The following JADE2 variants were observed in gnomAD, a reference collection of about 807,000 sequenced individuals.
JADE2 encodes jade family PHD finger 2.
JADE2 carries 13 observed loss-of-function variants against 85.7 expected under a neutral mutation model. The ratio of observed to expected loss-of-function variants is 0.15; its 90% CI spans 0.10 to 0.24. The LOEUF (loss-of-function observed/expected upper bound fraction) is 0.24. JADE2 is among the 10% of genes least tolerant of loss of function. The pLI is 1.00. For missense variants in JADE2, 846 were observed against 1,115.9 expected (o/e 0.76, Z 3.45); for synonymous variants, 440 against 456.1 (o/e 0.96, Z 0.45).
rs72798693 is a variant in JADE2 at position 134,579,787 on chromosome 5, A to G, written c.*470A>G. The G allele has an allele frequency of 0.12, 19,828 of 161,236 alleles. 1,363 individuals are homozygous for G. Among genetic ancestry groups the G allele is most frequent in the East Asian group, 0.2 (1,105 of 5,456 alleles). The allele number at this position is 161,236 out of a possible 1,614,324, so 10.0% of individuals were successfully genotyped here. A position where few individuals can be genotyped will look rare whatever the true frequency, so the allele number is the denominator to read the frequency against. The stretch of plus-strand genomic sequence containing the variant: ...ACACTCCACCGATCCCCAAGGAAGT[A>G]TAATAAACGATACCCAGCCAGAGTC... On this transcript the variant is annotated 3_prime_UTR_variant, in exon 12 of 12. Coordinates refer to ENST00000681547, the MANE Select transcript of JADE2 (RefSeq NM_001388185.1). The surrounding 1 kb of genome is among the most constrained non-coding windows in gnomAD (Gnocchi z 4.6).
intron 3 of JADE2, among the ~76,000 whole-genome samples, chr5:134,539,366 T>C (rs1030508504): frequency 1.4e-5 from 2 of 147,760 alleles, no homozygotes; most frequent in South Asian, 4.3e-4. Flanking sequence ...CCCGGCCTAA[T>C]TTTTGTATTT....
intron 11 of JADE2, chr5:134,577,161 A>C: frequency 2.6e-6 from 1 of 386,232 alleles, no homozygotes; most frequent in Non-Finnish European, 4.6e-6. Context: ...CTGTCCAGTC[A>C]TTCCCCTGGC....
intron 9 of JADE2, among the ~76,000 whole-genome samples, chr5:134,569,196 C>T (rs193041852): frequency 5.5e-4 from 84 of 152,256 alleles, no homozygotes; most frequent in Non-Finnish European, 8.1e-4. Flanking sequence ...TGTCCTGGCC[C>T]CTCAGCATTT....
upstream of JADE2, among the ~76,000 whole-genome samples, chr5:134,525,225 GGTGTGAGCAGAAA>G (rs1441536181): frequency 6.6e-6 from 1 of 151,918 alleles, no homozygotes; most frequent in African/African-American, 2.4e-5. Flanking sequence ...TAGGGGGCGG[GGTGTGAGCAGAAA>G]GTGTGAGTGA....
chr5:134,529,605 G>A (rs1283035035), intron 1 of JADE2, among the ~76,000 whole-genome samples: 1 of 152,254 alleles, frequency 6.6e-6, no homozygotes, highest in Non-Finnish European at 1.5e-5. Flanking sequence ...CCCAAAGCAG[G>A]CATGTGATAA....
In JADE2 at chr5:134,582,792, TTCTG is replaced by T. The variant is rs1262517533; in HGVS notation, c.*3479_*3482del. 1 of 152,656 alleles carries T rather than the reference TTCTG, an allele frequency of 6.6e-6. No homozygotes were observed. The highest frequency in any genetic ancestry group is 1.5e-5 in the Non-Finnish European group (1 of 68,038). The allele number at this position is 152,656 out of a possible 1,614,324, so 9.5% of individuals were successfully genotyped here. A position where few individuals can be genotyped will look rare whatever the true frequency, so the allele number is the denominator to read the frequency against. ...TATGAATGTCACAGGAGGAGACACC[TTCTG>T]TCTTTGTTTCAAAGAAAGTGATGTG... On this transcript the variant is annotated 3_prime_UTR_variant, in exon 12 of 12. Coordinates refer to ENST00000681547, the MANE Select transcript of JADE2 (RefSeq NM_001388185.1).
chr5:134,526,348 G>T, intron 1 of JADE2: 1 of 985,226 alleles, frequency 1.0e-6, no homozygotes. Context: ...CGGCGAGGGG[G>T]CGCGGGCGGG....
chr5:134,524,945 CA>C (rs1760712172), upstream of JADE2, among the ~76,000 whole-genome samples: 1 of 152,218 alleles, frequency 6.6e-6, no homozygotes. Context: ...ATTCGATTCG[CA>C]TTTTAAAACC....
In JADE2 at chr5:134,566,433, G is replaced by C. The variant is rs1359873417; in HGVS notation, c.1287G>C (p.Gln429His). ...AGGCACTGGTCGACTTCATCTACCAGTACTGGAAGCTGAAGAGGAAAGCCA... is the reference window on the plus strand; with the variant it reads ...AGGCACTGGTCGACTTCATCTACCACTACTGGAAGCTGAAGAGGAAAGCCA... ...LAEALVDFIY[Q>H]YWKLKRKANA... Residue 429 changes from glutamine to histidine, a missense_variant, in exon 9 of 12, where the codon CAG becomes CAC. By Grantham distance (24) the Gln-to-His change is conservative. Coordinates refer to ENST00000681547, the MANE Select transcript of JADE2 (RefSeq NM_001388185.1). This position sits in a 1 kb window ranked among gnomAD's most constrained non-coding sequence, Gnocchi z 6.7. 6.2e-7 allele frequency: 1 copy of C among 1,613,872 alleles called. No homozygotes were observed. The highest frequency in any genetic ancestry group is 8.5e-7 in the Non-Finnish European group (1 of 1,179,964).
intron 3 of JADE2, among the ~76,000 whole-genome samples, chr5:134,550,456 G>A (rs962648852): frequency 2.6e-5 from 4 of 152,218 alleles, no homozygotes; most frequent in Non-Finnish European, 4.4e-5. Flanking sequence ...TGAGTGAACT[G>A]ACTTAGCACC....
chr5:134,527,713 C>A (rs1437381554), intron 1 of JADE2, among the ~76,000 whole-genome samples: 1 of 151,952 alleles, frequency 6.6e-6, no homozygotes. Context: ...CGCGGACTGC[C>A]TCCAGGGGCG....
rs755159242 is a variant in JADE2, at chr5:134,562,471, C to T, written c.852+104C>T. The T allele has an allele frequency of 1.0e-4, 122 of 1,179,864 alleles. No individual in the cohort carries two copies. The highest frequency in any genetic ancestry group is 1.4e-4 in the Non-Finnish European group (116 of 840,760). 73.1% of individuals were successfully genotyped at this position (1,179,864 alleles called of 1,614,324 possible). A position where few individuals can be genotyped will look rare whatever the true frequency, so the allele number is the denominator to read the frequency against. On this transcript the variant is annotated intron_variant, in intron 7 of 11. Coordinates refer to ENST00000681547, the MANE Select transcript of JADE2 (RefSeq NM_001388185.1). This position sits in a 1 kb window ranked among gnomAD's most constrained non-coding sequence, Gnocchi z 4.6. ...CACTGGGAAAAGAAGGTGATGGACT[C>T]GCACTAAAACACTGAGATCGGCCGG...
chr5:134,552,352 A>C, intron 4 of JADE2, 143 bp downstream of exon 4: 2 of 831,554 alleles, frequency 2.4e-6, no homozygotes, highest in South Asian at 1.9e-5. Context: ...CCAACAAACC[A>C]TTGAAATGTT....
chr5:134,531,676 A>G (rs1200662525), intron 1 of JADE2, among the ~76,000 whole-genome samples: 2 of 151,462 alleles, frequency 1.3e-5, no homozygotes, highest in African/African-American at 4.9e-5. Context: ...TCTGTCTCCC[A>G]GGTTCAAGCA....
chr5:134,559,797 C>T (rs1413545532), intron 4 of JADE2, 33 bp from the exon 5 acceptor site: 1 of 1,591,184 alleles, frequency 6.3e-7, no homozygotes, highest in African/African-American at 1.3e-5. Context: ...CTGAGGGCCC[C>T]TCCCTTCATG....
rs889517140 is a variant in JADE2 at position 134,525,896 on chromosome 5, C to T, written c.-116C>T. On this transcript the variant is annotated 5_prime_UTR_variant, in exon 1 of 12. Transcript: ENST00000681547. ...CGACCCCGGATGGATGCGCGCCCCC[C>T]GCCCTCCCGCGCCGGCCCCAGGAGC... 8.0e-5 allele frequency: 79 copies of T among 985,822 alleles called. No individual in the cohort carries two copies. Among genetic ancestry groups the T allele is most frequent in the Middle Eastern group, 4.9e-4 (1 of 2,054 alleles). The allele number at this position is 985,822 out of a possible 1,614,324, so 61.1% of individuals were successfully genotyped here.
intron 9 of JADE2, among the ~76,000 whole-genome samples, chr5:134,570,584 A>G (rs1339669151): frequency 1.3e-5 from 2 of 151,926 alleles, no homozygotes; most frequent in Non-Finnish European, 2.9e-5. Flanking sequence ...CACATCCCAG[A>G]GCCTGCCACC....
intron 7 of JADE2, 110 bp from the exon 8 acceptor site, chr5:134,564,384 C>T (rs537012559): frequency 5.7e-4 from 366 of 639,010 alleles, no homozygotes; most frequent in African/African-American, 5.4e-3. Flanking sequence ...GGCTCAGCCA[C>T]TGCCCTGTCT....
intron 1 of JADE2, chr5:134,533,472 A>G (rs1761377103): frequency 1.1e-6 from 1 of 923,978 alleles, no homozygotes; most frequent in African/African-American, 1.8e-5. Context: ...AGGAGCTAGG[A>G]TTTGAACCCA....
Sources: allele counts gnomAD v4.1 joint callset (sites outside exome capture counted in the v4.1 genomes callset), GRCh38; gene constraint gnomAD v4.1.1; non-coding constraint Gnocchi (gnomAD v3.1); transcripts MANE v1.5; gene names NCBI Gene and HGNC (gene_info 2026-07-23, HGNC 2026-07-21).